The following OSBP2 variants were observed in gnomAD, a reference collection of about 807,000 sequenced individuals.
OSBP2 encodes oxysterol binding protein 2, also known as oxysterol-binding protein 2.
OSBP2 carries 66 observed loss-of-function variants against 96.0 expected under a neutral mutation model. That is an observed-to-expected ratio of 0.69 (90% CI 0.56 to 0.84). OSBP2 has a LOEUF of 0.84. Among genes scored for constraint, OSBP2 ranks in the 40% least tolerant of loss-of-function variants. OSBP2 has a pLI of 0.00. For synonymous variants in OSBP2, 525 were observed against 520.9 expected, an observed-to-expected ratio of 1.01 and a Z score of -0.11; for missense variants, 1,038 against 1,222.7, an observed-to-expected ratio of 0.85 and a Z score of 2.25.
At chr22:30,883,640 G>C (rs548996671) in intron 3 of OSBP2, among the ~76,000 whole-genome samples, 1 of 152,330 alleles carries the variant, frequency 6.6e-6, no homozygotes, top group African/African-American at 2.4e-5. Context: ...CTGGGTTCTG[G>C]ATCTGGCTCT....
At chr22:30,839,678 C>T (rs901401769) in intron 2 of OSBP2, among the ~76,000 whole-genome samples, 1 of 151,208 alleles carries the variant, frequency 6.6e-6, no homozygotes, top group Non-Finnish European at 1.5e-5. Context: ...CCTTTGCCCA[C>T]TTTTTGATGG....
At chr22:30,719,439 A>C (rs2089512027) in intron 1 of OSBP2, among the ~76,000 whole-genome samples, 1 of 152,048 alleles carries the variant, frequency 6.6e-6, no homozygotes, top group African/African-American at 2.4e-5. Flanking sequence ...TGGTGGCAGA[A>C]GAATCTCTAG....
intron 2 of OSBP2, among the ~76,000 whole-genome samples, chr22:30,781,403 C>T (rs1569120939): frequency 6.6e-6 from 1 of 152,154 alleles, no homozygotes; most frequent in Non-Finnish European, 1.5e-5. Context: ...CTCCCCAAGG[C>T]AGCCATTCCT....
chr22:30,694,292 G>A, upstream of OSBP2: 4 of 1,549,626 alleles, frequency 2.6e-6, no homozygotes, highest in Non-Finnish European at 2.6e-6. Flanking sequence ...AGGCGGTGAG[G>A]CGGCCACTTG....
intron 3 of OSBP2, among the ~76,000 whole-genome samples, chr22:30,879,117 C>T (rs1024726269): frequency 2.6e-5 from 4 of 152,206 alleles, no homozygotes; most frequent in Non-Finnish European, 4.4e-5. Flanking sequence ...TGAGGCCCCT[C>T]TTGGCTCACG....
At chr22:30,828,065 T>C (rs949196814) in intron 2 of OSBP2, among the ~76,000 whole-genome samples, 2 of 151,882 alleles carry the variant, frequency 1.3e-5, no homozygotes, top group Non-Finnish European at 2.9e-5. Flanking sequence ...AAGGCCACAG[T>C]GGGTGGGGCT....
intron 2 of OSBP2, among the ~76,000 whole-genome samples, chr22:30,792,187 C>T (rs1370770068): frequency 1.3e-5 from 2 of 152,050 alleles, no homozygotes; most frequent in Non-Finnish European, 2.9e-5. Context: ...GTGGCACATG[C>T]CTGTAATCCC....
intron 2 of OSBP2, among the ~76,000 whole-genome samples, chr22:30,799,057 T>TATCCTTCCTTCCTTCC: frequency 8.3e-6 from 1 of 120,258 alleles, no homozygotes; most frequent in Non-Finnish European, 1.7e-5. Context: ...CATGCAAAGG[T>TATCCTTCCTTCCTTCC]TTCCTTCCTT....
chr22:30,696,960 T>G (rs1477693627), intron 1 of OSBP2, among the ~76,000 whole-genome samples: 1 of 151,986 alleles, frequency 6.6e-6, no homozygotes. Flanking sequence ...CACCGGCCTC[T>G]CCTGTCTTAC....
At chr22:30,719,869 A>C (rs2089520388) in intron 1 of OSBP2, among the ~76,000 whole-genome samples, 1 of 152,134 alleles carries the variant, frequency 6.6e-6, no homozygotes, top group African/African-American at 2.4e-5. Flanking sequence ...AAACAAACAA[A>C]CAACAAGGGA....
At chr22:30,823,992 T>C (rs765300754) in intron 2 of OSBP2, among the ~76,000 whole-genome samples, 20 of 152,238 alleles carry the variant, frequency 1.3e-4, no homozygotes, top group Admixed American at 5.2e-4. Flanking sequence ...ACATTGTTTT[T>C]TTTCTCTTGG....
chr22:30,770,916 C>G (rs1000475284), intron 2 of OSBP2, among the ~76,000 whole-genome samples: 2 of 152,228 alleles, frequency 1.3e-5, no homozygotes, highest in Non-Finnish European at 2.9e-5. Context: ...TGCCCTGGCC[C>G]GATCCAGCAT....
intron 1 of OSBP2, among the ~76,000 whole-genome samples, chr22:30,725,395 C>A (rs980273003): frequency 4.0e-5 from 6 of 151,568 alleles, no homozygotes; most frequent in African/African-American, 1.5e-4. Flanking sequence ...GTAATCCCAG[C>A]TACTACTCGG....
chr22:30,839,345 G>A (rs1243897812), intron 2 of OSBP2, among the ~76,000 whole-genome samples: 1 of 131,236 alleles, frequency 7.6e-6, no homozygotes, highest in African/African-American at 3.3e-5. Context: ...ATGATTTATA[G>A]TCCTTTGGGT....
At chr22:30,846,826 A>G (rs989803243) in intron 2 of OSBP2, among the ~76,000 whole-genome samples, 11 of 152,044 alleles carry the variant, frequency 7.2e-5, no homozygotes, top group Non-Finnish European at 1.6e-4. Context: ...CTTTTTATGT[A>G]TTGCTGGATT....
In OSBP2 at chr22:30,893,192, T is replaced by A; in HGVS notation, c.1940T>A (p.Ile647Asn). The change falls in exon 9 of 14, where the codon ATC becomes AAC. Residue 647 changes from isoleucine (I) to asparagine (N), a missense_variant. Ile to Asn is a moderately radical substitution (Grantham distance 149). Transcript: ENST00000332585. ...SKHGWSLWQE[I>N]TISSKFRGKY... ...CATGGCTGGAGCCTCTGGCAGGAGA[T>A]CACCATCTCCAGCAAGTTCCGGGGA... 1 of 1,614,066 alleles carries A rather than the reference T, an allele frequency of 6.2e-7. No homozygotes were observed. The highest frequency in any genetic ancestry group is 1.3e-5 in the African/African-American group (1 of 75,032).
At chr22:30,698,872 C>T (rs758095534) in intron 1 of OSBP2, among the ~76,000 whole-genome samples, 18 of 152,182 alleles carry the variant, frequency 1.2e-4, no homozygotes, top group African/African-American at 4.3e-4. Flanking sequence ...GGTCGCCATG[C>T]ACTTTTCTCC....
At chr22:30,818,618 T>A (rs568280079) in intron 2 of OSBP2, among the ~76,000 whole-genome samples, 1 of 152,172 alleles carries the variant, frequency 6.6e-6, no homozygotes, top group East Asian at 1.9e-4. Context: ...CTGGGATGAA[T>A]AACAGATACA....
At chr22:30,867,210 G>A (rs1042811652) in intron 2 of OSBP2, among the ~76,000 whole-genome samples, 2 of 152,156 alleles carry the variant, frequency 1.3e-5, no homozygotes, top group African/African-American at 4.8e-5. Context: ...ATCCGCCTGT[G>A]ATTCCACCTG....
Sources: gnomAD v4.1 joint callset for allele counts (sites outside exome capture counted in the v4.1 genomes callset) on GRCh38, gnomAD v4.1.1 for gene constraint, MANE v1.5 for transcripts, NCBI Gene and HGNC (gene_info 2026-07-23, HGNC 2026-07-21) for gene names.